Variants in DAB1 observed in about 807,000 individuals in gnomAD.
The protein encoded by DAB1 is DAB adaptor protein 1, also known as disabled homolog 1.
DAB1 carries 15 observed loss-of-function variants against 64.6 expected under a neutral mutation model. That is an observed-to-expected ratio of 0.23 (90% CI 0.16 to 0.36). DAB1 has a LOEUF of 0.36. Ranked by LOEUF, DAB1 falls within the 10% of genes least tolerant of loss-of-function variation. The pLI, the probability that DAB1 is intolerant of heterozygous loss-of-function variation, is 1.00. For missense variants in DAB1, 596 were observed against 706.7 expected, an observed-to-expected ratio of 0.84 and a Z score of 1.78; for synonymous variants, 235 against 251.9, an observed-to-expected ratio of 0.93 and a Z score of 0.64.
At chr1:57,954,723 T>C (rs1360651515) in intron 5 of DAB1, among the ~76,000 whole-genome samples, 2 of 152,200 alleles carry the variant, frequency 1.3e-5, no homozygotes, top group African/African-American at 4.8e-5. Flanking sequence ...AGGATTAGTC[T>C]GACTCCAACT....
At chr1:57,153,651 T>C (rs889846390) in intron 2 of DAB1, among the ~76,000 whole-genome samples, 1 of 151,972 alleles carries the variant, frequency 6.6e-6, no homozygotes, top group African/African-American at 2.4e-5. Flanking sequence ...TGTTTGTTTG[T>C]TTTTGAGACG....
At chr1:57,334,130 G>C (rs951731671) in intron 1 of DAB1, among the ~76,000 whole-genome samples, 1 of 152,176 alleles carries the variant, frequency 6.6e-6, no homozygotes, top group African/African-American at 2.4e-5. Context: ...GGGAAGTAAG[G>C]CCCAGCCAAG....
At chr1:57,171,603 ACAGCAGGATGTGT>A (rs1661773529) in intron 2 of DAB1, among the ~76,000 whole-genome samples, 1 of 152,208 alleles carries the variant, frequency 6.6e-6, no homozygotes, top group Non-Finnish European at 1.5e-5. Flanking sequence ...CAAATCTTCC[ACAGCAGGATGTGT>A]GCACAGAAGA....
intron 4 of DAB1, among the ~76,000 whole-genome samples, chr1:58,180,976 G>C (rs1347858473): frequency 6.6e-6 from 1 of 152,136 alleles, no homozygotes; most frequent in Non-Finnish European, 1.5e-5. Context: ...TAAGATACTA[G>C]TTAGGTCAAA....
At chr1:57,118,233 C>T (rs17420181) in intron 4 of DAB1, among the ~76,000 whole-genome samples, 6,559 of 152,156 alleles carry the variant, frequency 0.043, 176 homozygotes, top group Admixed American at 0.072. Context: ...TATCATCATT[C>T]GAACAGACTC....
chr1:57,721,951 A>T (rs1647156417), intron 6 of DAB1, among the ~76,000 whole-genome samples: 1 of 152,184 alleles, frequency 6.6e-6, no homozygotes, highest in Non-Finnish European at 1.5e-5. Context: ...TAACTTGTCC[A>T]AGGCAGGATT....
chr1:58,083,825 T>C (rs1650143383), intron 5 of DAB1, among the ~76,000 whole-genome samples: 1 of 151,774 alleles, frequency 6.6e-6, no homozygotes, highest in Non-Finnish European at 1.5e-5. Context: ...GATTAGAGAG[T>C]AGTCAATGGT....
At chr1:57,719,672 T>G (rs530601336) in intron 6 of DAB1, among the ~76,000 whole-genome samples, 1 of 152,340 alleles carries the variant, frequency 6.6e-6, no homozygotes, top group South Asian at 2.1e-4. Flanking sequence ...TTGCTTCCCC[T>G]TCACCTTCCA....
chr1:58,344,320 G>A (rs987212055), intron 3 of DAB1, among the ~76,000 whole-genome samples: 1 of 152,098 alleles, frequency 6.6e-6, no homozygotes, highest in African/African-American at 2.4e-5. Flanking sequence ...TGATTAAAGG[G>A]GTAAGAGAGG....
chr1:57,485,046 C>T (rs531213925), intron 7 of DAB1, among the ~76,000 whole-genome samples: 1 of 152,322 alleles, frequency 6.6e-6, no homozygotes, highest in South Asian at 2.1e-4. Context: ...GTAGGTAACT[C>T]AATTCCTCAT....
At chr1:57,024,543 T>C (rs1373173035) in intron 10 of DAB1, among the ~76,000 whole-genome samples, 1 of 152,196 alleles carries the variant, frequency 6.6e-6, no homozygotes, top group Non-Finnish European at 1.5e-5. Context: ...ACTAGCAGCT[T>C]GCAGGACGAA....
intron 5 of DAB1, among the ~76,000 whole-genome samples, chr1:58,001,394 G>A (rs1325464686): frequency 6.6e-6 from 1 of 152,116 alleles, no homozygotes; most frequent in Non-Finnish European, 1.5e-5. Context: ...CTCCTGAGTT[G>A]CTGGGATTAC....
At chr1:57,904,416 G>A (rs1644520148) in intron 5 of DAB1, among the ~76,000 whole-genome samples, 1 of 152,096 alleles carries the variant, frequency 6.6e-6, no homozygotes, top group Non-Finnish European at 1.5e-5. Context: ...AAGGTCCTGG[G>A]ATCTGTGACT....
upstream of DAB1, among the ~76,000 whole-genome samples, chr1:57,888,297 G>A (rs375183282): frequency 6.6e-6 from 1 of 151,778 alleles, no homozygotes; most frequent in Non-Finnish European, 1.5e-5. Flanking sequence ...ATTATTCCCC[G>A]ATCCACCATT....
intron 4 of DAB1, among the ~76,000 whole-genome samples, chr1:58,161,553 T>C (rs1037745756): frequency 1.3e-5 from 2 of 152,174 alleles, no homozygotes; most frequent in African/African-American, 2.4e-5. Flanking sequence ...ATTTAATCAG[T>C]ACTTACTGAG....
rs142897996 is a variant in DAB1, at chr1:57,650,751, T to C, written n.552-1086A>G. Among the ~76,000 whole-genome samples the C allele has an allele frequency of 7.8e-3, 1,181 of 152,300 alleles. 17 individuals are homozygous for C. The highest frequency in any genetic ancestry group is 0.027 in the African/African-American group (1,135 of 41,574). On this transcript the variant is annotated intron_variant and non_coding_transcript_variant, in intron 6 of 20. Coordinates refer to the DAB1 transcript ENST00000485760. ...GTTTCAGCTCCAATATCACAATTCC[T>C]GTACCACTTTTCTCAATTAGTTGGG...
At chr1:57,852,858 TACTG>T (rs1485164700) in intron 1 of DAB1, among the ~76,000 whole-genome samples, 3 of 152,170 alleles carry the variant, frequency 2.0e-5, no homozygotes, top group Admixed American at 2.0e-4. Flanking sequence ...GGGTAGAGAA[TACTG>T]ACTGTTTTGT....
intron 1 of DAB1, among the ~76,000 whole-genome samples, chr1:57,354,094 C>T (rs934195834): frequency 1.5e-4 from 23 of 152,170 alleles, no homozygotes; most frequent in African/African-American, 4.6e-4. Flanking sequence ...TTTATTTAAA[C>T]GTGACATTTT....
intron 2 of DAB1, among the ~76,000 whole-genome samples, chr1:57,197,464 G>A (rs762151078): frequency 6.6e-6 from 1 of 152,002 alleles, no homozygotes; most frequent in Admixed American, 6.6e-5. Flanking sequence ...CTAGAACTTC[G>A]TGAAGCACTT....
Sources: allele counts gnomAD v4.1 joint callset (sites outside exome capture counted in the v4.1 genomes callset), GRCh38; gene constraint gnomAD v4.1.1; transcripts MANE v1.5; gene names NCBI Gene and HGNC (gene_info 2026-07-23, HGNC 2026-07-21).